Variants in GFRA2 observed in about 807,000 individuals in gnomAD.
GFRA2 encodes GDNF family receptor alpha 2.
Under a neutral mutation model 48.3 loss-of-function variants are expected in GFRA2, and 17 were observed. The ratio of observed to expected loss-of-function variants is 0.35; its 90% CI spans 0.24 to 0.53. The LOEUF is 0.53. Ranked by LOEUF, GFRA2 falls within the 20% of genes least tolerant of loss-of-function variation. GFRA2 has a pLI of 0.93. For missense variants in GFRA2, 660 were observed against 637.3 expected (o/e 1.04, Z -0.38); for synonymous variants, 305 against 257.2 (o/e 1.19, Z -1.78).
Position 21,693,164 on chromosome 8 carries a change from A to T in GFRA2, c.*114T>A. 1 of 1,107,728 alleles carries T rather than the reference A, an allele frequency of 9.0e-7. No homozygotes were observed. The highest frequency in any genetic ancestry group is 3.0e-5 in the East Asian group (1 of 32,856). 68.6% of individuals were successfully genotyped at this position (1,107,728 alleles called of 1,614,324 possible). A position where few individuals can be genotyped will look rare whatever the true frequency, so the allele number is the denominator to read the frequency against. Reference sequence around the variant, plus strand: ...GAGACAGGTTCAGCGACAAGGTGGGAAAAACAATTTTTTTTTTGCAAGGTG... The same window carrying T: ...GAGACAGGTTCAGCGACAAGGTGGGTAAAACAATTTTTTTTTTGCAAGGTG... On this transcript the variant is annotated 3_prime_UTR_variant, in exon 9 of 9. Coordinates refer to ENST00000524240, the MANE Select transcript of GFRA2 (RefSeq NM_001495.5).
chr8:21,709,900 C>T (rs1379423982), intron 4 of GFRA2, among the ~76,000 whole-genome samples: 5 of 152,238 alleles, frequency 3.3e-5, no homozygotes, highest in African/African-American at 1.2e-4. Flanking sequence ...GAGTACATGG[C>T]TTCCTGTTCC....
Position 21,692,655 on chromosome 8 carries a change from G to C in GFRA2, c.*623C>G, listed in dbSNP as rs1204557255. On this transcript the variant is annotated 3_prime_UTR_variant, in exon 9 of 9. Transcript: ENST00000524240. ...CCCCAACACTCCGTGCTACAGTCAGGGGGAGCCCAGCACGGTGCGAACCCC... is the reference window on the plus strand; with the variant it reads ...CCCCAACACTCCGTGCTACAGTCAGCGGGAGCCCAGCACGGTGCGAACCCC... 1 of 152,194 alleles carries C rather than the reference G, an allele frequency of 6.6e-6. No individual in the cohort carries two copies. The highest frequency in any genetic ancestry group is 1.5e-5 in the Non-Finnish European group (1 of 68,094). 9.4% of individuals were successfully genotyped at this position (152,194 alleles called of 1,614,324 possible). A position where few individuals can be genotyped will look rare whatever the true frequency, so the allele number is the denominator to read the frequency against.
chr8:21,793,585 T>A (rs1807616960), upstream of GFRA2, among the ~76,000 whole-genome samples: 2 of 152,164 alleles, frequency 1.3e-5, no homozygotes, highest in African/African-American at 4.8e-5. Context: ...CGATGGCTAT[T>A]ATTAGGTACT....
chr8:21,794,695 G>A (rs1807637401), intron 2 of GFRA2, among the ~76,000 whole-genome samples: 1 of 152,146 alleles, frequency 6.6e-6, no homozygotes, highest in Non-Finnish European at 1.5e-5. Flanking sequence ...CTGGGCCTGG[G>A]TCATGCATGA....
chr8:21,805,881 C>T (rs1807854515), intron 1 of GFRA2, among the ~76,000 whole-genome samples: 1 of 152,238 alleles, frequency 6.6e-6, no homozygotes, highest in Non-Finnish European at 1.5e-5. Context: ...GGAGAAACAA[C>T]AGCAAATAAC....
intron 4 of GFRA2, among the ~76,000 whole-genome samples, chr8:21,732,580 A>C (rs1804250223): frequency 6.6e-6 from 1 of 152,224 alleles, no homozygotes; most frequent in African/African-American, 2.4e-5. Flanking sequence ...AGCCCCCATG[A>C]GACCAGCAGG....
At chr8:21,706,802 G>C (rs1802772141) in intron 4 of GFRA2, among the ~76,000 whole-genome samples, 1 of 152,214 alleles carries the variant, frequency 6.6e-6, no homozygotes, top group Admixed American at 6.5e-5. Context: ...GCCACTTGAA[G>C]GCAGACAGTG....
rs372805878 is a variant in GFRA2 at position 21,775,377 on chromosome 8, G to C, written c.356-322C>G. Among the ~76,000 whole-genome samples the C allele has an allele frequency of 1.9e-4, 29 of 152,342 alleles. No individual in the cohort carries two copies. The South Asian group carries it at 5.8e-3, about 30-fold the overall frequency. On this transcript the variant is annotated intron_variant, in intron 2 of 8. Transcript: ENST00000524240. ...TTGGAAGGACTTGCAGGTGCATCTG[G>C]GGGAAGTGGAGCAATGCTGGCCCAC... is the stretch of plus-strand genomic sequence containing the variant.
At chr8:21,751,453 G>C (rs949050955) in intron 3 of GFRA2, among the ~76,000 whole-genome samples, 1 of 152,212 alleles carries the variant, frequency 6.6e-6, no homozygotes, top group African/African-American at 2.4e-5. Flanking sequence ...CCAGATGGGA[G>C]ATCACCTCAC....
intron 3 of GFRA2, among the ~76,000 whole-genome samples, chr8:21,766,710 G>A (rs560970081): frequency 1.9e-3 from 52 of 27,182 alleles, no homozygotes; most frequent in Middle Eastern, 0.012. Flanking sequence ...TCGGAGCTGA[G>A]ACTGTTCTGA....
At chr8:21,702,540 A>C (rs1284909598) in intron 7 of GFRA2, among the ~76,000 whole-genome samples, 2 of 152,184 alleles carry the variant, frequency 1.3e-5, no homozygotes, top group Non-Finnish European at 2.9e-5. Flanking sequence ...CTGCACCTGC[A>C]CCGAGGCTGT....
At chr8:21,753,367 G>A (rs1207121545) in intron 3 of GFRA2, among the ~76,000 whole-genome samples, 1 of 152,220 alleles carries the variant, frequency 6.6e-6, no homozygotes, top group Non-Finnish European at 1.5e-5. Context: ...CAGCACTTTG[G>A]GAGGCCGAGG....
chr8:21,769,235 G>GGCCCCAGCCTC, intron 3 of GFRA2: 2 of 940,248 alleles, frequency 2.1e-6, no homozygotes, highest in Non-Finnish European at 1.3e-6. Context: ...TCCGAAGTCT[G>GGCCCCAGCCTC]GCCCCAGCCC....
intron 4 of GFRA2, among the ~76,000 whole-genome samples, chr8:21,716,487 A>C (rs1362575599): frequency 6.6e-6 from 1 of 152,178 alleles, no homozygotes; most frequent in Non-Finnish European, 1.5e-5. Flanking sequence ...CCAGGACTGC[A>C]GGAGTGTTGG....
chr8:21,764,637 C>T (rs911466079), intron 3 of GFRA2, among the ~76,000 whole-genome samples: 4 of 152,246 alleles, frequency 2.6e-5, no homozygotes, highest in Admixed American at 6.5e-5. Flanking sequence ...CCCTGCCATG[C>T]GTGCTGGTGC....
chr8:21,794,816 A>G (rs1807639530), intron 2 of GFRA2, among the ~76,000 whole-genome samples: 1 of 152,172 alleles, frequency 6.6e-6, no homozygotes, highest in Non-Finnish European at 1.5e-5. Context: ...TAGTCTGGCA[A>G]TGGAGACCAG....
chr8:21,727,969 A>G (rs1046449611), intron 4 of GFRA2, among the ~76,000 whole-genome samples: 1 of 152,204 alleles, frequency 6.6e-6, no homozygotes, highest in Non-Finnish European at 1.5e-5. Flanking sequence ...TCCTTCTACC[A>G]TAGGAAGAGT....
intron 2 of GFRA2, among the ~76,000 whole-genome samples, chr8:21,781,731 T>G (rs1211441476): frequency 6.6e-6 from 1 of 152,132 alleles, no homozygotes; most frequent in Non-Finnish European, 1.5e-5. Context: ...ACCTAGAGTG[T>G]AGCAGACAGT....
chr8:21,734,545 C>G (rs1179176883), intron 4 of GFRA2, among the ~76,000 whole-genome samples: 1 of 152,206 alleles, frequency 6.6e-6, no homozygotes, highest in Admixed American at 6.5e-5. Context: ...TTGATTCTGT[C>G]CATTCTTTTT....
Sources: allele counts gnomAD v4.1 joint callset (sites outside exome capture counted in the v4.1 genomes callset), GRCh38; gene constraint gnomAD v4.1.1; transcripts MANE v1.5; gene names NCBI Gene and HGNC (gene_info 2026-07-23, HGNC 2026-07-21).